FLRT1: variants seen among roughly 807,000 people sequenced by gnomAD.
FLRT1 encodes leucine-rich repeat transmembrane protein FLRT1.
Under a neutral mutation model 30.9 loss-of-function variants are expected in FLRT1, and 14 were observed. The ratio of observed to expected loss-of-function variants is 0.45; its 90% CI spans 0.30 to 0.71. The LOEUF (loss-of-function observed/expected upper bound fraction) is 0.71. Among genes scored for constraint, FLRT1 ranks in the 30% least tolerant of loss-of-function variants. The probability of loss-of-function intolerance (pLI) is 0.08; values close to 1 mark genes in which losing one functional copy is unlikely to be tolerated. For missense variants in FLRT1, 737 were observed against 949.2 expected, an observed-to-expected ratio of 0.78 and a Z score of 2.94; for synonymous variants, 368 against 430.4, an observed-to-expected ratio of 0.85 and a Z score of 1.80.
intron 2 of FLRT1, among the ~76,000 whole-genome samples, chr11:64,113,603 GTGGATGGATGGATGGATGGATGGA>G (rs138402349): frequency 1.7e-5 from 2 of 117,454 alleles, no homozygotes; most frequent in African/African-American, 6.9e-5. Flanking sequence ...GGATGGTTAG[GTGGATGGATGGATGGATGGATGGA>G]TGGATGGATG....
chr11:64,064,519 T>C lies in FLRT1; in HGVS notation c.-1038+28360T>C, dbSNP rs2134446070. Among the ~76,000 whole-genome samples, 1 of 152,040 alleles carries C rather than the reference T, an allele frequency of 6.6e-6. No homozygotes were observed. Among genetic ancestry groups the C allele is most frequent in the African/African-American group, 2.4e-5 (1 of 41,504 alleles). Reference sequence around the variant, plus strand: ...GATGGGCACGCAGGCAGGGTGCATATGTACGTATGTGCCTGGCATGGTCCT... The same window carrying C: ...GATGGGCACGCAGGCAGGGTGCATACGTACGTATGTGCCTGGCATGGTCCT... On this transcript the variant is annotated intron_variant, in intron 1 of 2. Coordinates refer to ENST00000682287, the MANE Select transcript of FLRT1 (RefSeq NM_013280.5). This position sits in a 1 kb window ranked among gnomAD's most constrained non-coding sequence, Gnocchi z 4.5.
chr11:64,118,240 C>A lies in FLRT1; in HGVS notation c.1973C>A (p.Thr658Lys). The A allele has an allele frequency of 6.2e-7, 1 of 1,608,024 alleles. No individual in the cohort carries two copies. The highest frequency in any genetic ancestry group is 8.5e-7 in the Non-Finnish European group (1 of 1,176,106). Residue 658 changes from threonine (T) to lysine (K), a missense_variant, in exon 3 of 3, where the codon ACG (threonine) becomes AAG (lysine). Thr to Lys is a moderately conservative substitution (Grantham distance 78). Transcript: ENST00000682287. ...KATHTIGYGT[T>K]RGYRDGGIPD... ...ACACACACCATTGGCTACGGCACCA[C>A]GCGGGGCTACCGGGACGGCGGCATC...
Position 64,119,156 on chromosome 11 carries a change from T to C in FLRT1, c.*864T>C, listed in dbSNP as rs931936959. ...TCAGTTCTTACCATTTCCTGAACAA[T>C]AGAATTGTGAAAGTGTTGCTTTCTC... On this transcript the variant is annotated 3_prime_UTR_variant, in exon 3 of 3. Coordinates refer to ENST00000682287, the MANE Select transcript of FLRT1 (RefSeq NM_013280.5). The C allele has an allele frequency of 9.6e-5, 16 of 167,228 alleles. No homozygotes were observed. The highest frequency in any genetic ancestry group is 3.1e-4 in the African/African-American group (13 of 41,434). 10.4% of individuals were successfully genotyped at this position (167,228 alleles called of 1,614,324 possible). A position where few individuals can be genotyped will look rare whatever the true frequency, so the allele number is the denominator to read the frequency against.
At chr11:64,039,751 G>A (rs1438913211) in intron 1 of FLRT1, among the ~76,000 whole-genome samples, 3 of 152,212 alleles carry the variant, frequency 2.0e-5, no homozygotes, top group Admixed American at 6.5e-5. Flanking sequence ...CCGCTCCCCG[G>A]GGCCAGCGGC....
At chr11:64,040,238 A>G in intron 1 of FLRT1, among the ~76,000 whole-genome samples, 1 of 148,600 alleles carries the variant, frequency 6.7e-6, no homozygotes, top group Non-Finnish European at 1.5e-5. Context: ...GGTGAGGTCA[A>G]GTAACAGAGG....
At position 64,045,222 on chromosome 11, in the gene FLRT1, G is replaced by A. The variant is rs1330059838; in HGVS notation, c.-1038+9063G>A. 2.0e-5 allele frequency among the ~76,000 whole-genome samples: 3 copies of A among 152,190 alleles called. No homozygotes were observed. The East Asian group carries it at 5.8e-4, about 29-fold the overall frequency. On this transcript the variant is annotated intron_variant, in intron 1 of 2. Coordinates refer to ENST00000682287, the MANE Select transcript of FLRT1 (RefSeq NM_013280.5). ...CTGCCCGCTGGTGCCCTCGGGAGGA[G>A]TGGGGCGGGTGGTGGGCGAAGGGGC...
intron 1 of FLRT1, among the ~76,000 whole-genome samples, chr11:64,083,714 G>A (rs376539794): frequency 2.6e-5 from 4 of 152,368 alleles, no homozygotes; most frequent in African/African-American, 9.6e-5. Flanking sequence ...TCGCCAGACT[G>A]GCTCCAGGTC....
chr11:64,109,834 C>T (rs1390294217), intron 2 of FLRT1, among the ~76,000 whole-genome samples: 2 of 152,084 alleles, frequency 1.3e-5, no homozygotes, highest in Admixed American at 1.3e-4. Flanking sequence ...AACACCTCAG[C>T]TTCACAGAGG....
chr11:64,038,474 T>TGCGGGTGTTGAGGGACGGAGAG (rs1943424713), intron 1 of FLRT1, among the ~76,000 whole-genome samples: 1 of 152,192 alleles, frequency 6.6e-6, no homozygotes, highest in Non-Finnish European at 1.5e-5. Flanking sequence ...GCCTTGACCC[T>TGCGGGTGTTGAGGGACGGAGAG]GCGGGTGTTG....
intron 1 of FLRT1, among the ~76,000 whole-genome samples, chr11:64,095,743 A>G (rs1944564129): frequency 6.6e-6 from 1 of 152,228 alleles, no homozygotes; most frequent in Admixed American, 6.5e-5. Context: ...GGTGCTGCAC[A>G]CTGGACCCCC....
chr11:64,101,628 C>A (rs779068157), intron 1 of FLRT1, among the ~76,000 whole-genome samples: 3 of 152,184 alleles, frequency 2.0e-5, no homozygotes, highest in Non-Finnish European at 2.9e-5. Flanking sequence ...GGAGAAATTA[C>A]AATTTATAAT....
At chr11:64,040,820 G>T (rs1317290605) in intron 1 of FLRT1, among the ~76,000 whole-genome samples, 1 of 152,048 alleles carries the variant, frequency 6.6e-6, no homozygotes, top group East Asian at 1.9e-4. Context: ...TGTCCTGGAG[G>T]GCCCCGGACC....
rs1206038539 is a variant in FLRT1, at chr11:64,090,983, T to G, written c.-1037-12211T>G. Among the ~76,000 whole-genome samples, 2 of 149,850 alleles carry G rather than the reference T, an allele frequency of 1.3e-5. No individual in the cohort carries two copies. Among genetic ancestry groups the G allele is most frequent in the African/African-American group, 4.9e-5 (2 of 40,574 alleles). Reference sequence around the variant, plus strand: ...CACTGACCTCTGACCTCTGGGTCAGTTGGTTACTGACTGCTGACTGTGCCT... The same window carrying G: ...CACTGACCTCTGACCTCTGGGTCAGGTGGTTACTGACTGCTGACTGTGCCT... On this transcript the variant is annotated intron_variant, in intron 1 of 2. Transcript: ENST00000682287. The surrounding 1 kb of genome is among the most constrained non-coding windows in gnomAD (Gnocchi z 4.7).
Position 64,051,518 on chromosome 11 carries a change from C to T in FLRT1, c.-1038+15359C>T, listed in dbSNP as rs541422606. Among the ~76,000 whole-genome samples, 19 of 152,270 alleles carry T rather than the reference C, an allele frequency of 1.2e-4. 1 individual carries two copies. In the South Asian group the frequency reaches 2.9e-3, roughly 23 times the overall value. The stretch of plus-strand genomic sequence containing the variant: ...GGAAGCCTCGCTCCTGGCTCCTGGG[C>T]GGCAGAGCTGTCGGCCGGGCAGGCT... On this transcript the variant is annotated intron_variant, in intron 1 of 2. Transcript: ENST00000682287.
chr11:64,075,241 C>T (rs555002655), intron 1 of FLRT1, among the ~76,000 whole-genome samples: 8 of 152,374 alleles, frequency 5.3e-5, no homozygotes, highest in African/African-American at 1.9e-4. Context: ...CTCAGGGACT[C>T]CTGGACCATG....
At chr11:64,079,274 T>G (rs1471444333) in intron 1 of FLRT1, among the ~76,000 whole-genome samples, 1 of 151,978 alleles carries the variant, frequency 6.6e-6, no homozygotes. Context: ...CTCCCACCTG[T>G]GCTGTGTGCA....
intron 1 of FLRT1, among the ~76,000 whole-genome samples, chr11:64,037,593 G>A (rs888722013): frequency 2.6e-5 from 4 of 152,174 alleles, no homozygotes; most frequent in African/African-American, 9.7e-5. Flanking sequence ...GTGAGGGGCA[G>A]GAAGAGCTGA....
chr11:64,066,067 T>A (rs1943999778), intron 1 of FLRT1, among the ~76,000 whole-genome samples: 1 of 151,256 alleles, frequency 6.6e-6, no homozygotes, highest in African/African-American at 2.4e-5. Context: ...GGGGCTGAGG[T>A]GGGCGGATCA....
intron 2 of FLRT1, among the ~76,000 whole-genome samples, chr11:64,109,717 G>GGCCCCATCCACCAGCTCT (rs1453223161): frequency 6.6e-6 from 1 of 152,166 alleles, no homozygotes; most frequent in Admixed American, 6.5e-5. Context: ...GATGGTTGAT[G>GGCCCCATCCACCAGCTCT]GCCCCATCCA....
Sources: gnomAD v4.1 joint callset for allele counts (sites outside exome capture counted in the v4.1 genomes callset) on GRCh38, gnomAD v4.1.1 for gene constraint, Gnocchi (gnomAD v3.1) non-coding constraint, MANE v1.5 for transcripts, NCBI Gene and HGNC (gene_info 2026-07-23, HGNC 2026-07-21) for gene names.